Variants in CALCOCO1 observed in about 807,000 individuals in gnomAD.
The protein encoded by CALCOCO1 is calcium-binding and coiled-coil domain-containing protein 1.
CALCOCO1 carries 44 observed loss-of-function variants against 86.3 expected under a neutral mutation model. That is an observed-to-expected ratio of 0.51 (90% CI 0.40 to 0.66). The LOEUF (loss-of-function observed/expected upper bound fraction) is 0.66. Among genes scored for constraint, CALCOCO1 ranks in the 30% least tolerant of loss-of-function variants. The pLI is 0.00. For missense variants in CALCOCO1, 708 were observed against 851.1 expected (o/e 0.83, Z 2.09); for synonymous variants, 297 against 327.6 (o/e 0.91, Z 1.01).
chr12:53,727,125 AAGC>A (rs1946056943), intron 1 of CALCOCO1, among the ~76,000 whole-genome samples: 1 of 151,952 alleles, frequency 6.6e-6, no homozygotes, highest in African/African-American at 2.4e-5. Context: ...GGGAGCGAAT[AAGC>A]AGATTTCAGC....
At chr12:53,727,111 G>A (rs1022415501) in intron 1 of CALCOCO1, among the ~76,000 whole-genome samples, 1 of 152,046 alleles carries the variant, frequency 6.6e-6, no homozygotes, top group Non-Finnish European at 1.5e-5. Flanking sequence ...GACACGTCTT[G>A]CCTGGGAGCG....
At position 53,710,114 on chromosome 12, in the gene CALCOCO1, G is replaced by A. The variant is rs1406968151; in HGVS notation, c.*1830C>T. ...TAGTCTTAATACGGGAAGCAATAAA[G>A]GAAGAGAGGGATTCTATTAATTAAA... is the stretch of plus-strand genomic sequence containing the variant. On this transcript the variant is annotated 3_prime_UTR_variant, in exon 15 of 15. Transcript: ENST00000550804. The A allele has an allele frequency of 1.3e-5, 2 of 152,126 alleles. No individual in the cohort carries two copies. Among genetic ancestry groups the A allele is most frequent in the Non-Finnish European group, 2.9e-5 (2 of 68,022 alleles). 9.4% of individuals were successfully genotyped at this position (152,126 alleles called of 1,614,324 possible). A position where few individuals can be genotyped will look rare whatever the true frequency, so the allele number is the denominator to read the frequency against.
chr12:53,711,212 G>C lies in CALCOCO1; in HGVS notation c.*732C>G, dbSNP rs992266680. 7 of 398,158 alleles carry C rather than the reference G, an allele frequency of 1.8e-5. No individual in the cohort carries two copies. The highest frequency in any genetic ancestry group is 2.7e-5 in the Non-Finnish European group (6 of 225,826). 24.7% of individuals were successfully genotyped at this position (398,158 alleles called of 1,614,324 possible). A position where few individuals can be genotyped will look rare whatever the true frequency, so the allele number is the denominator to read the frequency against. On this transcript the variant is annotated 3_prime_UTR_variant, in exon 15 of 15. Coordinates refer to ENST00000550804, the MANE Select transcript of CALCOCO1 (RefSeq NM_020898.3). ...TGGGGGGACCTGGAGAGGGAGGGGG[G>C]CCTTGGAAATGGGGATACCTGGGAC...
intron 6 of CALCOCO1, among the ~76,000 whole-genome samples, chr12:53,720,511 A>C (rs747763338): frequency 1.8e-4 from 28 of 152,186 alleles, no homozygotes; most frequent in Non-Finnish European, 3.2e-4. Context: ...GATAGCCCCT[A>C]ATCTTTTCCA....
In CALCOCO1 at chr12:53,708,567, T is replaced by C. The variant is rs1945502569; in HGVS notation, c.*3377A>G. The C allele has an allele frequency of 1.3e-5, 2 of 152,228 alleles. No individual in the cohort carries two copies. The highest frequency in any genetic ancestry group is 4.8e-5 in the African/African-American group (2 of 41,464). 9.4% of individuals were successfully genotyped at this position (152,228 alleles called of 1,614,324 possible). The stretch of plus-strand genomic sequence containing the variant: ...TGAAGCTAGTTGGTGAGCTCAATGA[T>C]GTTCACTTTATTATTCATTACATAT... On this transcript the variant is annotated 3_prime_UTR_variant, in exon 15 of 15. Coordinates refer to ENST00000550804, the MANE Select transcript of CALCOCO1 (RefSeq NM_020898.3).
At chr12:53,712,144 G>T in intron 14 of CALCOCO1, 23 bp from the exon 15 acceptor site, 1 of 1,570,062 alleles carries the variant, frequency 6.4e-7, no homozygotes, top group South Asian at 1.2e-5. Context: ...GAGGGGAAAG[G>T]GAGAGGGTCG....
intron 3 of CALCOCO1, chr12:53,724,000 G>A (rs963908246): frequency 7.3e-5 from 42 of 574,182 alleles, no homozygotes; most frequent in Admixed American, 9.2e-5. Context: ...TAGTGAGTGC[G>A]TACCATGTAC....
rs1241700527 is a variant in CALCOCO1 at position 53,712,081 on chromosome 12, C to G, written c.1939G>C (p.Gly647Arg). The stretch of plus-strand genomic sequence containing the variant: ...TCCTTCCATGTGGGGGTGGCAGGGC[C>G]CCCAGTGCTGGTTTCTGACAGGGTA... ...VGTLSETSTG[G>R]PATPTWKECP... Residue 647 changes from glycine to arginine, a missense_variant, in exon 15 of 15, where the codon GGC becomes CGC. Gly to Arg is a moderately radical substitution (Grantham distance 125, BLOSUM62 -2). Transcript: ENST00000550804. 6.2e-7 allele frequency: 1 copy of G among 1,610,262 alleles called. No homozygotes were observed. The highest frequency in any genetic ancestry group is 8.5e-7 in the Non-Finnish European group (1 of 1,178,244).
chr12:53,722,816 A>T, intron 4 of CALCOCO1: 1 of 392,508 alleles, frequency 2.5e-6, no homozygotes, highest in South Asian at 1.8e-5. Flanking sequence ...ATGATCCCTT[A>T]GTCTGAATTG....
At position 53,712,120 on chromosome 12, in the gene CALCOCO1, C is replaced by T. The variant is rs1379879670; in HGVS notation, c.1900G>A (p.Gly634Ser). The change falls in exon 15 of 15, where the codon GGC (glycine) becomes AGC (serine). Residue 634 changes from glycine to serine, a missense_variant and splice_region_variant. Transcript: ENST00000550804. ...TCTGACAGGGTACCCACTGTAAAGC[C>T]ACTAAGAGAGACAGAGGGGAAAGGG... ...LGSAFYDMAS[G>S]FTVGTLSETS... is the part of the protein sequence containing the mutation. 1 of 1,597,486 alleles carries T rather than the reference C, an allele frequency of 6.3e-7. No homozygotes were observed. Among genetic ancestry groups the T allele is most frequent in the South Asian group, 1.1e-5 (1 of 88,870 alleles).
In CALCOCO1 at chr12:53,713,780, G is replaced by A. The variant is rs752956910; in HGVS notation, c.1712C>T (p.Ser571Phe). Residue 571 changes from serine to phenylalanine, a missense_variant, in exon 13 of 15, where the codon TCT becomes TTT. Transcript: ENST00000550804. ...CGGCTGGCTGATGACAACAAGGGGA[G>A]AAGCCTCTCGAGGCCCAGCAGGAGA... ...GSSPAGPREA[S>F]PLVVISQPAP... The A allele has an allele frequency of 1.2e-6, 2 of 1,605,768 alleles. No individual in the cohort carries two copies. Among genetic ancestry groups the A allele is most frequent in the Non-Finnish European group, 8.5e-7 (1 of 1,175,976 alleles).
At chr12:53,718,870 CAG>C (rs1228273322) in intron 7 of CALCOCO1, among the ~76,000 whole-genome samples, 1 of 118,870 alleles carries the variant, frequency 8.4e-6, no homozygotes, top group African/African-American at 3.3e-5. Context: ...TTTTTTGGCA[CAG>C]AGTCTCACTC....
intron 6 of CALCOCO1, 117 bp downstream of exon 6, chr12:53,721,350 A>G (rs755187178): frequency 3.4e-6 from 3 of 894,262 alleles, no homozygotes; most frequent in Non-Finnish European, 5.1e-6. Flanking sequence ...AGTGAGGGTG[A>G]GAGGGAAAGA....
At chr12:53,714,729 G>A in intron 10 of CALCOCO1, 36 bp from the exon 11 acceptor site, 1 of 1,495,934 alleles carries the variant, frequency 6.7e-7, no homozygotes, top group Non-Finnish European at 9.3e-7. Context: ...CTGGAGCCTA[G>A]AATGTACCTC....
chr12:53,715,131 G>A lies in CALCOCO1; in HGVS notation c.1386+69C>T, dbSNP rs925366329. The A allele has an allele frequency of 1.9e-6, 3 of 1,562,174 alleles. No individual in the cohort carries two copies. In the Admixed American group the frequency reaches 5.6e-5, roughly 29 times the overall value. On this transcript the variant is annotated intron_variant, in intron 10 of 14. Transcript: ENST00000550804. ...CTAGCACTTCTGAGCCCATACCCAAGACAGAGAGAAGGGGTATGGATGCCT... is the reference window on the plus strand; with the variant it reads ...CTAGCACTTCTGAGCCCATACCCAAAACAGAGAGAAGGGGTATGGATGCCT...
At chr12:53,721,038 C>CT (rs1267958756) in intron 6 of CALCOCO1, among the ~76,000 whole-genome samples, 3 of 152,244 alleles carry the variant, frequency 2.0e-5, no homozygotes, top group South Asian at 2.1e-4. Flanking sequence ...TGATTTGCAT[C>CT]TTTTTTTTCC....
chr12:53,714,566 G>A, intron 11 of CALCOCO1, 32 bp downstream of exon 11: 1 of 1,517,958 alleles, frequency 6.6e-7, no homozygotes, highest in Non-Finnish European at 9.2e-7. Flanking sequence ...CTCACCTGTG[G>A]CATCCACGGG....
chr12:53,724,978 CTCT>C, intron 2 of CALCOCO1, 106 bp downstream of exon 2: 2 of 1,263,098 alleles, frequency 1.6e-6, no homozygotes, highest in Non-Finnish European at 2.2e-6. Context: ...ACATCTTTCT[CTCT>C]TCTTCTCTAT....
At chr12:53,714,467 A>G (rs1263184517) in intron 11 of CALCOCO1, 131 bp downstream of exon 11, 1 of 716,952 alleles carries the variant, frequency 1.4e-6, no homozygotes, top group Non-Finnish European at 2.4e-6. Context: ...ATCAGCTAAT[A>G]AGAGAAGCCA....
Sources: allele counts gnomAD v4.1 joint callset (sites outside exome capture counted in the v4.1 genomes callset), GRCh38; gene constraint gnomAD v4.1.1; transcripts MANE v1.5; gene names NCBI Gene and HGNC (gene_info 2026-07-23, HGNC 2026-07-21).